Variants in DZANK1 observed in about 807,000 individuals in gnomAD.
The protein encoded by DZANK1 is double zinc ribbon and ankyrin repeat-containing protein 1.
A neutral mutation model predicts 94.5 loss-of-function variants in DZANK1; 91 were observed. That is an observed-to-expected ratio of 0.96 (90% CI 0.81 to 1.15). The LOEUF is 1.15. Ranked by LOEUF, DZANK1 falls within the 50% of genes most tolerant of loss-of-function variation. The probability of loss-of-function intolerance (pLI) is 0.00; values close to 1 mark genes in which losing one functional copy is unlikely to be tolerated. For missense variants in DZANK1, 903 were observed against 916.4 expected, an observed-to-expected ratio of 0.99 and a Z score of 0.19; for synonymous variants, 312 against 325.3, an observed-to-expected ratio of 0.96 and a Z score of 0.44.
At chr20:18,393,769 A>G (rs1568878607) in exon 17 of DZANK1, 1 of 1,613,236 alleles carries the variant, frequency 6.2e-7, no homozygotes. Context: ...TATCCTTTTG[A>G]TTTTTTCAAT....
In DZANK1 at chr20:18,428,467, G is replaced by A. The variant is rs144833324; in HGVS notation, c.862-1308C>T. Among the ~76,000 whole-genome samples, 554 of 152,190 alleles carry A rather than the reference G, an allele frequency of 3.6e-3. 1 individual carries two copies. The highest frequency in any genetic ancestry group is 6.8e-3 in the Middle Eastern group (2 of 294). On this transcript the variant is annotated intron_variant, in intron 9 of 20. Transcript: ENST00000262547. ...CTCCCAAAGTGCTGGGATTACAGGC[G>A]TGAGCCACCGTGCCCGGCCGTAAGT...
At chr20:18,396,608 A>G in intron 14 of DZANK1, 62 bp from the exon 15 acceptor site, 3 of 1,188,632 alleles carry the variant, frequency 2.5e-6, no homozygotes, top group Non-Finnish European at 3.6e-6. Context: ...GCCTTAAGTA[A>G]CAGTGTACAA....
At chr20:18,438,649 G>A (rs537196264) in intron 8 of DZANK1, among the ~76,000 whole-genome samples, 2 of 152,338 alleles carry the variant, frequency 1.3e-5, no homozygotes, top group South Asian at 4.1e-4. Context: ...AATTATAAGT[G>A]TATATGACTG....
chr20:18,427,606 G>GGGGGGT (rs112783791), intron 9 of DZANK1, among the ~76,000 whole-genome samples: 6 of 148,692 alleles, frequency 4.0e-5, no homozygotes, highest in African/African-American at 1.5e-4. Context: ...TGTAAGGTTG[G>GGGGGGT]GTGTGTGTGT....
In DZANK1 at chr20:18,441,552, C is replaced by T; in HGVS notation, c.747+1795G>A. Among the ~76,000 whole-genome samples, 1 of 152,192 alleles carries T rather than the reference C, an allele frequency of 6.6e-6. No homozygotes were observed. The highest frequency in any genetic ancestry group is 1.9e-4 in the East Asian group (1 of 5,198). On this transcript the variant is annotated intron_variant, in intron 8 of 20. Transcript: ENST00000262547. This position sits in a 1 kb window ranked among gnomAD's most constrained non-coding sequence, Gnocchi z 4.1. ...GGATCCCCTACCTCTGTGGCTGAGA[C>T]AGAGAACCGAAGGAGGATCAAATTT...
At chr20:18,394,138 C>T (rs1324633491) in intron 16 of DZANK1, 116 bp downstream of exon 16, 1 of 890,546 alleles carries the variant, frequency 1.1e-6, no homozygotes, top group East Asian at 2.6e-5. Flanking sequence ...ACGTCTGGAA[C>T]ATAACTGCAA....
chr20:18,394,709 C>A, intron 15 of DZANK1: 1 of 501,138 alleles, frequency 2.0e-6, no homozygotes, highest in Non-Finnish European at 4.0e-6. Context: ...TGTCATTTCT[C>A]TGCTTAAAGT....
chr20:18,415,036 T>C (rs1211364558), intron 11 of DZANK1, among the ~76,000 whole-genome samples: 2 of 152,230 alleles, frequency 1.3e-5, no homozygotes, highest in African/African-American at 4.8e-5. Context: ...ATACATAGTC[T>C]TGAGTGTTTT....
chr20:18,408,491 A>C (rs1484015780), intron 13 of DZANK1, among the ~76,000 whole-genome samples: 1 of 152,218 alleles, frequency 6.6e-6, no homozygotes, highest in Non-Finnish European at 1.5e-5. Context: ...TCAAGGATAA[A>C]GAAAGTATCC....
At chr20:18,428,019 T>C (rs1568958845) in intron 9 of DZANK1, among the ~76,000 whole-genome samples, 5 of 150,908 alleles carry the variant, frequency 3.3e-5, no homozygotes, top group Admixed American at 1.3e-4. Context: ...AGTGTGGTGG[T>C]GGGCGCCTGT....
At chr20:18,400,608 T>C (rs2057047886) in intron 13 of DZANK1, among the ~76,000 whole-genome samples, 2 of 152,204 alleles carry the variant, frequency 1.3e-5, no homozygotes, top group African/African-American at 4.8e-5. Context: ...GGTGAAACCA[T>C]CCACCACAGC....
rs1217789342 is a variant in DZANK1, at chr20:18,426,953, G to A, written c.954+114C>T. ...AAATCTTGCTTTCAGTTTACCATGA[G>A]AAGCTTTTTTTGGTCTCTCTCCCCA... On this transcript the variant is annotated intron_variant, in intron 10 of 20. Transcript: ENST00000262547. 6 of 573,946 alleles carry A rather than the reference G, an allele frequency of 1.0e-5. No individual in the cohort carries two copies. The East Asian group carries it at 1.6e-4, about 15-fold the overall frequency. 35.6% of individuals were successfully genotyped at this position (573,946 alleles called of 1,614,324 possible).
At chr20:18,385,213 T>C in intron 19 of DZANK1, 123 bp from the exon 20 acceptor site, 1 of 805,246 alleles carries the variant, frequency 1.2e-6, no homozygotes, top group Non-Finnish European at 2.0e-6. Flanking sequence ...CTGGGAAACC[T>C]CTTGAGTCTC....
chr20:18,402,900 G>A (rs528844556), intron 13 of DZANK1, among the ~76,000 whole-genome samples: 34 of 152,290 alleles, frequency 2.2e-4, no homozygotes, highest in African/African-American at 7.7e-4. Flanking sequence ...TGGTTCTAAA[G>A]CCATACAGAA....
intron 7 of DZANK1, among the ~76,000 whole-genome samples, chr20:18,444,724 G>A (rs1283382445): frequency 7.2e-6 from 1 of 137,996 alleles, no homozygotes; most frequent in African/African-American, 2.5e-5. Context: ...CATAGGAGTT[G>A]TCAGGTATGG....
chr20:18,394,856 C>T (rs2056244934), intron 15 of DZANK1: 2 of 456,712 alleles, frequency 4.4e-6, no homozygotes, highest in African/African-American at 4.0e-5. Flanking sequence ...TCAGTTTCCT[C>T]ACCTGGAAAG....
At chr20:18,398,758 G>A (rs2148289289) in intron 13 of DZANK1, 132 bp from the exon 14 acceptor site, 1 of 804,786 alleles carries the variant, frequency 1.2e-6, no homozygotes, top group East Asian at 2.5e-5. Flanking sequence ...TTTCCTTAGT[G>A]AACCTCAACT....
chr20:18,383,798 C>T (rs1422518149), exon 21 of DZANK1: 2 of 152,156 alleles, frequency 1.3e-5, no homozygotes, highest in African/African-American at 4.8e-5. Flanking sequence ...TAGCTTTGAA[C>T]CATGTGCAAT....
At chr20:18,414,793 A>C (rs2057412107) in intron 11 of DZANK1, among the ~76,000 whole-genome samples, 1 of 152,238 alleles carries the variant, frequency 6.6e-6, no homozygotes, top group Non-Finnish European at 1.5e-5. Context: ...TGGATTATGA[A>C]GTCACTGAAA....
Sources: gnomAD v4.1 joint callset for allele counts (sites outside exome capture counted in the v4.1 genomes callset) on GRCh38, gnomAD v4.1.1 for gene constraint, Gnocchi (gnomAD v3.1) non-coding constraint, MANE v1.5 for transcripts, NCBI Gene and HGNC (gene_info 2026-07-23, HGNC 2026-07-21) for gene names.